The following SLC35H1 variants were observed in gnomAD, a reference collection of about 807,000 sequenced individuals.
The protein encoded by SLC35H1 is ovarian cancer-overexpressed gene 1 protein.
the SLC35H1 span, chr20:46,349,489 T>C: frequency 6.6e-6 from 1 of 152,264 alleles, no homozygotes; most frequent in Non-Finnish European, 1.5e-5. Flanking sequence ...AGCAGCTCTT[T>C]ATCTTTTCCA....
chr20:46,354,768 AG>A, the SLC35H1 span: 2 of 911,198 alleles, frequency 2.2e-6, no homozygotes, highest in East Asian at 5.3e-5. Context: ...CTTCCAGGGG[AG>A]GGACTGCATC....
At chr20:46,351,669 T>A in the SLC35H1 span, among the ~76,000 whole-genome samples, 27 of 152,304 alleles carry the variant, frequency 1.8e-4, no homozygotes, top group African/African-American at 6.0e-4. Flanking sequence ...TCCTGATGAG[T>A]CTGGATAGGG....
chr20:46,354,531 T>C, the SLC35H1 span, among the ~76,000 whole-genome samples: 173 of 152,298 alleles, frequency 1.1e-3, no homozygotes, highest in African/African-American at 4.0e-3. Context: ...CTTGGGCAAG[T>C]TATCTTTACT....
the SLC35H1 span, among the ~76,000 whole-genome samples, chr20:46,356,239 G>C: frequency 6.6e-6 from 1 of 152,134 alleles, no homozygotes; most frequent in East Asian, 1.9e-4. Flanking sequence ...GGCCACATAG[G>C]GCTCTGCTGC....
chr20:46,351,473 C>A, the SLC35H1 span, among the ~76,000 whole-genome samples: 4 of 152,188 alleles, frequency 2.6e-5, no homozygotes, highest in Non-Finnish European at 5.9e-5. Flanking sequence ...TCCCTCCCTG[C>A]CCCTGAACAG....
the SLC35H1 span, chr20:46,358,867 GC>G: frequency 1.3e-6 from 1 of 748,410 alleles, no homozygotes; most frequent in Non-Finnish European, 2.3e-6. Flanking sequence ...TGGAGGGGCT[GC>G]CCACAACGGC....
At chr20:46,359,871 A>T in the SLC35H1 span, among the ~76,000 whole-genome samples, 2 of 152,082 alleles carry the variant, frequency 1.3e-5, no homozygotes, top group East Asian at 1.9e-4. Flanking sequence ...CTCCCACCCC[A>T]ACATTTCTGA....
At chr20:46,360,657 G>A in the SLC35H1 span, among the ~76,000 whole-genome samples, 1 of 152,070 alleles carries the variant, frequency 6.6e-6, no homozygotes, top group Non-Finnish European at 1.5e-5. Context: ...CGATTCTCCT[G>A]CCTCAGGCTC....
chr20:46,355,724 C>G, the SLC35H1 span: 1 of 1,601,384 alleles, frequency 6.2e-7, no homozygotes, highest in African/African-American at 1.3e-5. This position sits in a 1 kb window ranked among gnomAD's most constrained non-coding sequence, Gnocchi z 4.8. Flanking sequence ...CACAGCAGGA[C>G]AAGCCACTGC....
At chr20:46,357,557 T>C in the SLC35H1 span, 11 of 1,564,260 alleles carry the variant, frequency 7.0e-6, no homozygotes, top group Admixed American at 1.1e-4. Flanking sequence ...GGTGTCTCTC[T>C]TGTTCTCATC....
chr20:46,361,995 C>T, the SLC35H1 span, among the ~76,000 whole-genome samples: 2 of 152,220 alleles, frequency 1.3e-5, no homozygotes, highest in Non-Finnish European at 2.9e-5. Flanking sequence ...CCTTCCTTCA[C>T]AGACCTGGCC....
At chr20:46,350,323 C>A in the SLC35H1 span, 3 of 1,514,096 alleles carry the variant, frequency 2.0e-6, no homozygotes, top group South Asian at 2.6e-5. Flanking sequence ...TGAGCCCTGG[C>A]GGCTTGAGCA....
At chr20:46,353,692 G>T in the SLC35H1 span, among the ~76,000 whole-genome samples, 2 of 152,116 alleles carry the variant, frequency 1.3e-5, no homozygotes, top group Non-Finnish European at 2.9e-5. Flanking sequence ...TACCAGAAAA[G>T]ATTAAAGGAG....
the SLC35H1 span, chr20:46,351,977 A>G: frequency 4.6e-5 from 69 of 1,489,094 alleles, no homozygotes; most frequent in East Asian, 1.6e-3. Flanking sequence ...AGGAGCTGGG[A>G]CTGAAGCTGC....
the SLC35H1 span, chr20:46,348,264 G>C: frequency 1.3e-5 from 2 of 152,202 alleles, no homozygotes; most frequent in Non-Finnish European, 2.9e-5. Flanking sequence ...TGCGAGGTAA[G>C]GGCCCCCGCT....
chr20:46,363,861 GC>G, the SLC35H1 span, among the ~76,000 whole-genome samples: 218 of 152,326 alleles, frequency 1.4e-3, 1 homozygote, highest in Admixed American at 7.5e-3. Flanking sequence ...CCCAGCACCC[GC>G]CACAGCGGCC....
chr20:46,349,862 C>G, the SLC35H1 span: 4 of 152,254 alleles, frequency 2.6e-5, no homozygotes, highest in Admixed American at 2.6e-4. Context: ...TTGAAGAAGG[C>G]TCCAGGCAGG....
chr20:46,358,742 C>T, the SLC35H1 span: 157 of 1,543,760 alleles, frequency 1.0e-4, no homozygotes, highest in Non-Finnish European at 1.3e-4. Context: ...TTGGATGCAG[C>T]GCTCACAGGT....
chr20:46,346,680 G>A, the SLC35H1 span: 4,056 of 152,142 alleles, frequency 0.027, 65 homozygotes, highest in Middle Eastern at 0.041. Flanking sequence ...CCCCAACTTG[G>A]GACAACTCTG....
Sources: gnomAD v4.1 joint callset for allele counts (sites outside exome capture counted in the v4.1 genomes callset) on GRCh38, gnomAD v4.1.1 for gene constraint, Gnocchi (gnomAD v3.1) non-coding constraint, MANE v1.5 for transcripts, NCBI Gene and HGNC (gene_info 2026-07-23, HGNC 2026-07-21) for gene names.